KCNIP4: variants seen among roughly 807,000 people sequenced by gnomAD.
The protein encoded by KCNIP4 is Kv channel-interacting protein 4.
KCNIP4 carries 12 observed loss-of-function variants against 34.0 expected under a neutral mutation model. That is an observed-to-expected ratio of 0.35 (90% CI 0.23 to 0.57). The LOEUF (loss-of-function observed/expected upper bound fraction) is 0.57, where lower values mean the gene tolerates loss of function less well. KCNIP4 is among the 20% of genes least tolerant of loss of function. The pLI, the probability that KCNIP4 is intolerant of heterozygous loss-of-function variation, is 0.83. For synonymous variants in KCNIP4, 124 were observed against 102.2 expected, an observed-to-expected ratio of 1.21 and a Z score of -1.29; for missense variants, 238 against 311.7, an observed-to-expected ratio of 0.76 and a Z score of 1.78.
chr4:21,092,304 G>T (rs1271855182), intron 1 of KCNIP4, among the ~76,000 whole-genome samples: 2 of 151,724 alleles, frequency 1.3e-5, no homozygotes, highest in Admixed American at 1.3e-4. Flanking sequence ...ATGCTATCGG[G>T]TCTCCCAAAG....
rs961131123 is a variant in KCNIP4, at chr4:21,100,413, C to T, written c.62-217704G>A. ...CAAAAAATACAAAAAATTAGCAGGG[C>T]GTGCTGGTATGTACCTGTAGACCCA... On this transcript the variant is annotated intron_variant, in intron 1 of 8. Coordinates refer to ENST00000382152, the MANE Select transcript of KCNIP4 (RefSeq NM_025221.6). Among the ~76,000 whole-genome samples the T allele has an allele frequency of 5.3e-5, 8 of 152,128 alleles. No individual in the cohort carries two copies. The East Asian group carries it at 1.4e-3, about 26-fold the overall frequency.
chr4:21,288,809 G>A (rs1267512082), intron 1 of KCNIP4, among the ~76,000 whole-genome samples: 1 of 152,164 alleles, frequency 6.6e-6, no homozygotes, highest in Non-Finnish European at 1.5e-5. Context: ...TTATACATAT[G>A]TATGAGAACA....
intron 1 of KCNIP4, among the ~76,000 whole-genome samples, chr4:21,891,419 C>G (rs1727084714): frequency 6.6e-6 from 1 of 152,054 alleles, no homozygotes; most frequent in Admixed American, 6.6e-5. Context: ...TAGGAAAGTT[C>G]CATAGGGTTC....
chr4:21,340,766 C>T (rs192359433), intron 1 of KCNIP4, among the ~76,000 whole-genome samples: 1 of 152,130 alleles, frequency 6.6e-6, no homozygotes, highest in Non-Finnish European at 1.5e-5. Flanking sequence ...ACTCAATGGC[C>T]AAGTATATTT....
chr4:21,859,472 G>A (rs1040357730), intron 1 of KCNIP4, among the ~76,000 whole-genome samples: 5 of 151,718 alleles, frequency 3.3e-5, no homozygotes, highest in Non-Finnish European at 7.4e-5. Flanking sequence ...AAAATTAGCC[G>A]GAAAAATTAG....
chr4:21,823,868 A>T (rs1243290361), intron 1 of KCNIP4, among the ~76,000 whole-genome samples: 1 of 152,068 alleles, frequency 6.6e-6, no homozygotes, highest in Non-Finnish European at 1.5e-5. Context: ...CTGTATAAAC[A>T]CCCCTCTACA....
At chr4:21,451,227 A>T (rs1172522868) in intron 1 of KCNIP4, among the ~76,000 whole-genome samples, 1 of 152,150 alleles carries the variant, frequency 6.6e-6, no homozygotes, top group Non-Finnish European at 1.5e-5. Context: ...AGTAATGAGC[A>T]ACGAGATCTC....
At chr4:21,019,107 C>A (rs1252711550) in intron 1 of KCNIP4, among the ~76,000 whole-genome samples, 1 of 152,150 alleles carries the variant, frequency 6.6e-6, no homozygotes, top group Non-Finnish European at 1.5e-5. Context: ...CCTGTGTCTA[C>A]ACATTGTCTT....
chr4:21,109,914 A>C (rs1441067433), intron 1 of KCNIP4, among the ~76,000 whole-genome samples: 4 of 152,172 alleles, frequency 2.6e-5, no homozygotes, highest in Non-Finnish European at 2.9e-5. Context: ...TTTTCAAAGA[A>C]AAAATGTATA....
chr4:21,147,956 A>AAAAAAAAAAAAAAAAAAAAAAAATG (rs1553945843), intron 1 of KCNIP4, among the ~76,000 whole-genome samples: 1 of 128,418 alleles, frequency 7.8e-6, no homozygotes, highest in Non-Finnish European at 1.6e-5. Context: ...AAAAAAAAAA[A>AAAAAAAAAAAAAAAAAAAAAAAATG]AAAAGAAAAA....
At chr4:20,798,180 T>G (rs891173903) in intron 3 of KCNIP4, among the ~76,000 whole-genome samples, 1 of 152,230 alleles carries the variant, frequency 6.6e-6, no homozygotes, top group African/African-American at 2.4e-5. Context: ...TTTATGACCC[T>G]CACCTTAAAG....
chr4:20,964,406 A>C (rs972368513), intron 1 of KCNIP4, among the ~76,000 whole-genome samples: 1 of 152,226 alleles, frequency 6.6e-6, no homozygotes, highest in African/African-American at 2.4e-5. Context: ...TCATTCTGGG[A>C]GCATCATTCT....
intron 1 of KCNIP4, among the ~76,000 whole-genome samples, chr4:21,266,926 A>T (rs1761848072): frequency 6.6e-6 from 1 of 152,212 alleles, no homozygotes. Context: ...TTAACGATCC[A>T]AGTGAAACGT....
intron 1 of KCNIP4, among the ~76,000 whole-genome samples, chr4:21,894,790 A>T (rs1023616731): frequency 1.3e-5 from 2 of 152,204 alleles, no homozygotes; most frequent in African/African-American, 4.8e-5. Flanking sequence ...CTAAACTTTA[A>T]TCTTTTACAC....
At chr4:21,831,814 A>C (rs575710127) in intron 1 of KCNIP4, among the ~76,000 whole-genome samples, 1 of 152,240 alleles carries the variant, frequency 6.6e-6, no homozygotes, top group East Asian at 1.9e-4. Flanking sequence ...TACAGCAATC[A>C]CTACCCAGAT....
chr4:21,025,245 G>A (rs1307989245), intron 1 of KCNIP4, among the ~76,000 whole-genome samples: 2 of 152,138 alleles, frequency 1.3e-5, no homozygotes, highest in Non-Finnish European at 2.9e-5. Context: ...AGGAAGAAGA[G>A]AGAAGGTAGG....
At chr4:21,545,385 C>CT (rs1424299489) in intron 1 of KCNIP4, among the ~76,000 whole-genome samples, 1 of 152,060 alleles carries the variant, frequency 6.6e-6, no homozygotes, top group Non-Finnish European at 1.5e-5. Context: ...CCTTTACTTT[C>CT]TTTTTTTATT....
intron 1 of KCNIP4, among the ~76,000 whole-genome samples, chr4:21,235,382 T>A (rs1319571583): frequency 6.6e-6 from 1 of 152,148 alleles, no homozygotes; most frequent in African/African-American, 2.4e-5. Flanking sequence ...CTCACACACC[T>A]CATTCTAGTT....
At chr4:21,661,784 G>T (rs1475005342) in intron 1 of KCNIP4, among the ~76,000 whole-genome samples, 1 of 151,966 alleles carries the variant, frequency 6.6e-6, no homozygotes, top group Non-Finnish European at 1.5e-5. Flanking sequence ...TTTTTAACTG[G>T]CATCTCTGAA....
Sources: allele counts gnomAD v4.1 joint callset (sites outside exome capture counted in the v4.1 genomes callset), GRCh38; gene constraint gnomAD v4.1.1; transcripts MANE v1.5; gene names NCBI Gene and HGNC (gene_info 2026-07-23, HGNC 2026-07-21).